Variants in CDK19 observed in about 807,000 individuals in gnomAD.
CDK19 encodes the protein cyclin-dependent kinase 19.
A neutral mutation model predicts 68.3 loss-of-function variants in CDK19; 20 were observed. The ratio of observed to expected loss-of-function variants is 0.29; its 90% CI spans 0.21 to 0.43. The LOEUF is 0.43. Ranked by LOEUF, CDK19 falls within the 20% of genes least tolerant of loss-of-function variation. The pLI is 1.00. For missense variants in CDK19, 339 were observed against 623.5 expected (o/e 0.54, Z 4.86); for synonymous variants, 221 against 222.8 (o/e 0.99, Z 0.07).
chr6:110,803,069 G>A (rs1280636710), intron 1 of CDK19, among the ~76,000 whole-genome samples: 3 of 152,078 alleles, frequency 2.0e-5, no homozygotes, highest in Non-Finnish European at 2.9e-5. Flanking sequence ...CAGTAAGAAG[G>A]AAGGCTTTGA....
intron 2 of CDK19, among the ~76,000 whole-genome samples, chr6:110,688,077 G>C (rs1339646327): frequency 6.6e-6 from 1 of 152,114 alleles, no homozygotes; most frequent in East Asian, 1.9e-4. Flanking sequence ...ACGGGGAAAG[G>C]TTCTTTTAAA....
chr6:110,762,291 C>A (rs1779282220), intron 1 of CDK19, among the ~76,000 whole-genome samples: 1 of 152,158 alleles, frequency 6.6e-6, no homozygotes, highest in South Asian at 2.1e-4. Context: ...TCCCTGATCT[C>A]TCTTTCCTCC....
chr6:110,648,903 G>A (rs1469330149), intron 4 of CDK19, among the ~76,000 whole-genome samples: 1 of 151,954 alleles, frequency 6.6e-6, no homozygotes, highest in Non-Finnish European at 1.5e-5. Flanking sequence ...ATTTTTAGTA[G>A]AGACGGGGTT....
intron 1 of CDK19, among the ~76,000 whole-genome samples, chr6:110,761,501 A>C (rs1044966586): frequency 6.6e-6 from 1 of 152,178 alleles, no homozygotes; most frequent in Non-Finnish European, 1.5e-5. Flanking sequence ...TGATGGTGAT[A>C]CCATTCACTG....
intron 2 of CDK19, among the ~76,000 whole-genome samples, chr6:110,715,513 A>G (rs1440234766): frequency 1.3e-5 from 2 of 151,466 alleles, no homozygotes; most frequent in Non-Finnish European, 2.9e-5. Context: ...TTTTTTTGAG[A>G]CTAGTCGCTC....
chr6:110,622,124 G>T lies in CDK19; in HGVS notation c.1074C>A (p.Phe358Leu), dbSNP rs1455274232. 6.2e-7 allele frequency: 1 copy of T among 1,612,534 alleles called. No homozygotes were observed. The highest frequency in any genetic ancestry group is 1.3e-5 in the African/African-American group (1 of 74,970). Residue 358 changes from phenylalanine to leucine, a missense_variant, in exon 11 of 13, where the codon TTC (phenylalanine) becomes TTA (leucine). Transcript: ENST00000368911. ...TTTCTTCAGGATCATCTTCATTAAG[G>T]AATTCTCGTTTGGGGTATGGAATCT... is the stretch of plus-strand genomic sequence containing the variant. ...GCQIPYPKRE[F>L]LNEDDPEEKG...
At chr6:110,651,163 T>C (rs1379126060) in intron 4 of CDK19, among the ~76,000 whole-genome samples, 1 of 152,202 alleles carries the variant, frequency 6.6e-6, no homozygotes, top group African/African-American at 2.4e-5. Flanking sequence ...TTTACATGAC[T>C]AGAATTATCA....
At chr6:110,664,829 G>A (rs1781825017) in intron 4 of CDK19, among the ~76,000 whole-genome samples, 1 of 152,188 alleles carries the variant, frequency 6.6e-6, no homozygotes, top group Non-Finnish European at 1.5e-5. Flanking sequence ...AGTAGACATG[G>A]ATATGAGGGT....
chr6:110,657,857 C>T (rs183185734), intron 4 of CDK19, among the ~76,000 whole-genome samples: 5 of 152,210 alleles, frequency 3.3e-5, no homozygotes, highest in Admixed American at 2.6e-4. Context: ...TGCAAGCTGG[C>T]CCTCTTGGAA....
intron 2 of CDK19, among the ~76,000 whole-genome samples, chr6:110,738,237 T>C (rs1777394565): frequency 6.6e-6 from 1 of 151,874 alleles, no homozygotes; most frequent in East Asian, 1.9e-4. Flanking sequence ...AAGCCAGGTG[T>C]GGTGGCTCAT....
At chr6:110,759,991 A>G (rs1583039144) in intron 1 of CDK19, among the ~76,000 whole-genome samples, 1 of 152,326 alleles carries the variant, frequency 6.6e-6, no homozygotes, top group East Asian at 1.9e-4. Flanking sequence ...ATTTACCATT[A>G]AATCAACATT....
At chr6:110,704,634 T>A (rs1774284917) in intron 2 of CDK19, among the ~76,000 whole-genome samples, 1 of 152,242 alleles carries the variant, frequency 6.6e-6, no homozygotes, top group African/African-American at 2.4e-5. Flanking sequence ...TGGTAAAGTG[T>A]AAAGTCATTC....
intron 4 of CDK19, among the ~76,000 whole-genome samples, chr6:110,648,804 A>G (rs2462484): frequency 0.53 from 80,244 of 151,394 alleles, 23,157 homozygotes; most frequent in East Asian, 0.86. Context: ...TGCAAGCTCC[A>G]CCTCCCGGGT....
Position 110,614,491 on chromosome 6 carries a change from A to G in CDK19, c.*44T>C, listed in dbSNP as rs1359630914. On this transcript the variant is annotated 3_prime_UTR_variant, in exon 13 of 13. Coordinates refer to ENST00000368911, the MANE Select transcript of CDK19 (RefSeq NM_015076.5). ...CTTTTCAATGCAGACATATTGCTGG[A>G]GCCTGTGCTCTGGGCTGGGCTGGCC... 6.3e-7 allele frequency: 1 copy of G among 1,594,988 alleles called. No homozygotes were observed. Among genetic ancestry groups the G allele is most frequent in the Non-Finnish European group, 8.6e-7 (1 of 1,168,626 alleles).
chr6:110,616,719 C>A (rs897801575), intron 12 of CDK19, among the ~76,000 whole-genome samples: 1 of 151,006 alleles, frequency 6.6e-6, no homozygotes. Flanking sequence ...CTAAGTTGCA[C>A]AACTGAATAG....
intron 2 of CDK19, among the ~76,000 whole-genome samples, chr6:110,688,394 G>A (rs1057015620): frequency 3.9e-5 from 6 of 152,034 alleles, no homozygotes; most frequent in African/African-American, 2.4e-5. Flanking sequence ...GCAGATTGGA[G>A]GCAGTGTTAG....
Position 110,670,481 on chromosome 6 carries a change from T to C in CDK19, c.265A>G (p.Ser89Gly). The change falls in exon 3 of 13, where the codon AGT (serine) becomes GGT (glycine). Residue 89 changes from serine to glycine, a missense_variant. Ser to Gly is a moderately conservative substitution (Grantham distance 56). Around this residue, in one of 4 missense-constraint regions of CDK19, gnomAD observed 120 missense variants for 224.0 expected, o/e 0.54. Transcript: ENST00000368911. ...IALQKVFLSH[S>G]DRKVWLLFDY... is the part of the protein sequence containing the mutation. Reference sequence around the variant, plus strand: ...AACAGCAGCCATACCTTCCTGTCACTGTGAGAAAGGAACACCTTCTGCAAT... The same window carrying C: ...AACAGCAGCCATACCTTCCTGTCACCGTGAGAAAGGAACACCTTCTGCAAT... 4.3e-6 allele frequency: 7 copies of C among 1,612,946 alleles called. No individual in the cohort carries two copies. Among genetic ancestry groups the C allele is most frequent in the Non-Finnish European group, 5.1e-6 (6 of 1,178,874 alleles).
At chr6:110,634,820 CTAAAG>C (rs1329761111) in intron 5 of CDK19, among the ~76,000 whole-genome samples, 2 of 152,176 alleles carry the variant, frequency 1.3e-5, no homozygotes, top group Admixed American at 6.5e-5. Context: ...GAAAAACATT[CTAAAG>C]TAAAGTTAGC....
intron 2 of CDK19, among the ~76,000 whole-genome samples, chr6:110,677,044 A>G (rs1048967895): frequency 1.3e-5 from 2 of 152,162 alleles, no homozygotes; most frequent in Non-Finnish European, 2.9e-5. Context: ...ATGGGTTTCT[A>G]TAAGTCACTA....
Sources: allele counts gnomAD v4.1 joint callset (sites outside exome capture counted in the v4.1 genomes callset), GRCh38; gene constraint gnomAD v4.1.1; regional missense constraint gnomAD v4.1.1; transcripts MANE v1.5; gene names NCBI Gene and HGNC (gene_info 2026-07-23, HGNC 2026-07-21).